Variants in NCKAP5 observed in about 807,000 individuals in gnomAD.
NCKAP5 encodes nck-associated protein 5.
NCKAP5 carries 92 observed loss-of-function variants against 167.0 expected under a neutral mutation model. That is an observed-to-expected ratio of 0.55 (90% CI 0.47 to 0.66). The LOEUF is 0.66. Ranked by LOEUF, NCKAP5 falls within the 30% of genes least tolerant of loss-of-function variation. NCKAP5 has a pLI of 0.00. For missense variants in NCKAP5, 2,378 were observed against 2,315.0 expected, an observed-to-expected ratio of 1.03 and a Z score of -0.56; for synonymous variants, 891 against 877.4, an observed-to-expected ratio of 1.02 and a Z score of -0.27.
intron 11 of NCKAP5, among the ~76,000 whole-genome samples, chr2:132,797,584 T>C (rs936678858): frequency 6.6e-6 from 1 of 152,106 alleles, no homozygotes; most frequent in Admixed American, 6.5e-5. Context: ...AAAATCTAAT[T>C]GAGTAAGTAA....
At chr2:133,036,229 A>C (rs2149440172) in intron 6 of NCKAP5, among the ~76,000 whole-genome samples, 1 of 152,138 alleles carries the variant, frequency 6.6e-6, no homozygotes, top group South Asian at 2.1e-4. Context: ...TTCACTGCTA[A>C]AATCTACCAA....
chr2:133,588,108 A>G, the NCKAP5 span, among the ~76,000 whole-genome samples: 3 of 152,136 alleles, frequency 2.0e-5, no homozygotes, highest in African/African-American at 7.3e-5. Context: ...ACACACACAC[A>G]CTTACATACA....
At chr2:133,355,744 C>T (rs1002517433) in intron 3 of NCKAP5, among the ~76,000 whole-genome samples, 2 of 152,162 alleles carry the variant, frequency 1.3e-5, no homozygotes, top group Admixed American at 1.3e-4. Flanking sequence ...TTCCAAGAAG[C>T]CTTCTTAAAT....
chr2:133,574,365 G>T, the NCKAP5 span, among the ~76,000 whole-genome samples: 3 of 152,170 alleles, frequency 2.0e-5, no homozygotes, highest in East Asian at 3.9e-4. Context: ...CAGGGAAGAG[G>T]CAGGGATGCT....
intron 3 of NCKAP5, among the ~76,000 whole-genome samples, chr2:133,314,235 G>C (rs1681448137): frequency 6.6e-6 from 1 of 152,132 alleles, no homozygotes; most frequent in Admixed American, 6.5e-5. Flanking sequence ...CACAAGACCT[G>C]CAAATAATAG....
At chr2:133,674,641 C>CA in the NCKAP5 span, among the ~76,000 whole-genome samples, 51 of 146,236 alleles carry the variant, frequency 3.5e-4, no homozygotes, top group East Asian at 7.9e-4. Context: ...ATTCAAGGAA[C>CA]AAAAAAAAAA....
At chr2:132,762,980 A>G (rs1195456997) in intron 16 of NCKAP5, among the ~76,000 whole-genome samples, 2 of 152,182 alleles carry the variant, frequency 1.3e-5, no homozygotes, top group African/African-American at 2.4e-5. Flanking sequence ...ATCCTTAAAT[A>G]TTCTTGGTTG....
At chr2:133,315,487 A>G (rs1681538773) in intron 3 of NCKAP5, among the ~76,000 whole-genome samples, 1 of 152,172 alleles carries the variant, frequency 6.6e-6, no homozygotes, top group Non-Finnish European at 1.5e-5. Flanking sequence ...ATGAAAGAGT[A>G]GATGTCAACC....
At position 132,782,250 on chromosome 2, in the gene NCKAP5, T is replaced by C. The variant is rs1306406880; in HGVS notation, c.4561A>G (p.Ser1521Gly). 3.1e-6 allele frequency: 5 copies of C among 1,613,922 alleles called. No homozygotes were observed. In the African/African-American group the frequency reaches 4.0e-5, roughly 13 times the overall value. Residue 1521 changes from serine (S) to glycine (G), a missense_variant, in exon 14 of 20, where the codon AGT becomes GGT. Around this residue, in one of 3 missense-constraint regions of NCKAP5, gnomAD observed 1,325 missense variants for 1,274.5 expected, o/e 1.04. Transcript: ENST00000409261. ...TTGGAGATGTCCATTTTCCTGCTACTCAGAGCTGGAAGTCTACTCTTCCGA... is the reference window on the plus strand; with the variant it reads ...TTGGAGATGTCCATTTTCCTGCTACCCAGAGCTGGAAGTCTACTCTTCCGA... The part of the protein sequence containing the change: ...GFRKSRLPAL[S>G]SRKMDISKTK...
chr2:133,129,102 T>TA (rs538989947), intron 6 of NCKAP5, among the ~76,000 whole-genome samples: 5,078 of 151,482 alleles, frequency 0.034, 256 homozygotes, highest in African/African-American at 0.12. Context: ...CTTTTTTTTT[T>TA]TTATTATTAT....
intron 4 of NCKAP5, among the ~76,000 whole-genome samples, chr2:133,292,221 A>G (rs1290423370): frequency 6.6e-6 from 1 of 152,248 alleles, no homozygotes; most frequent in Non-Finnish European, 1.5e-5. Flanking sequence ...CTCATGCCCT[A>G]ACAAGTTAGT....
chr2:133,499,946 T>G (rs1458109850), intron 3 of NCKAP5, among the ~76,000 whole-genome samples: 1 of 152,172 alleles, frequency 6.6e-6, no homozygotes, highest in African/African-American at 2.4e-5. Flanking sequence ...TTCAAATAGT[T>G]TCTCTGATTA....
chr2:133,459,238 G>A (rs1692048979), intron 3 of NCKAP5, among the ~76,000 whole-genome samples: 1 of 152,140 alleles, frequency 6.6e-6, no homozygotes, highest in Admixed American at 6.5e-5. Flanking sequence ...TAGAGACGGG[G>A]TCTCACTTTG....
chr2:132,839,151 G>T (rs375057446), intron 11 of NCKAP5, among the ~76,000 whole-genome samples: 4 of 151,912 alleles, frequency 2.6e-5, no homozygotes, highest in Non-Finnish European at 4.4e-5. Flanking sequence ...TCTATTGTTT[G>T]TCTACTGCTT....
At chr2:133,090,852 C>T (rs2081155183) in intron 6 of NCKAP5, among the ~76,000 whole-genome samples, 1 of 152,172 alleles carries the variant, frequency 6.6e-6, no homozygotes, top group African/African-American at 2.4e-5. Flanking sequence ...CAGCTTCCCT[C>T]CACTCCACTG....
chr2:133,610,885 C>T, the NCKAP5 span, among the ~76,000 whole-genome samples: 1 of 152,054 alleles, frequency 6.6e-6, no homozygotes, highest in African/African-American at 2.4e-5. Flanking sequence ...CTCCCTTTTA[C>T]TAGATATTCT....
rs113302415 is a variant in NCKAP5 at position 132,718,878 on chromosome 2, A to G, written c.5713+6749T>C. ...TAATGAGGGAGTTGAATGTGCAAAC[A>G]AACAGGTAAAATATCAAGTGGAAAT... On this transcript the variant is annotated intron_variant, in intron 19 of 19. Transcript: ENST00000409261. Among the ~76,000 whole-genome samples the G allele has an allele frequency of 6.2e-4, 95 of 152,366 alleles. 1 individual carries two copies. The highest frequency in any genetic ancestry group is 2.0e-3 in the African/African-American group (85 of 41,584).
intron 11 of NCKAP5, among the ~76,000 whole-genome samples, chr2:132,821,123 C>T (rs1686698114): frequency 1.3e-5 from 2 of 152,116 alleles, no homozygotes; most frequent in South Asian, 2.1e-4. Flanking sequence ...ATGAAACATA[C>T]CGGAAAAACC....
intron 1 of NCKAP5, among the ~76,000 whole-genome samples, chr2:133,563,591 A>G (rs1688333761): frequency 6.8e-6 from 1 of 146,836 alleles, no homozygotes; most frequent in South Asian, 2.2e-4. Context: ...AAAAAAAAAA[A>G]AAAGATTCAG....
Sources: gnomAD v4.1 joint callset for allele counts (sites outside exome capture counted in the v4.1 genomes callset) on GRCh38, gnomAD v4.1.1 for gene constraint, gnomAD v4.1.1 regional missense constraint, MANE v1.5 for transcripts, NCBI Gene and HGNC (gene_info 2026-07-23, HGNC 2026-07-21) for gene names.